The following SMAD6 variants were observed in gnomAD, a reference collection of about 807,000 sequenced individuals.
The protein encoded by SMAD6 is SMAD family member 6.
A neutral mutation model predicts 39.4 loss-of-function variants in SMAD6; 103 were observed. The observed-to-expected ratio is 2.62, with a 90% CI of 2.23 to 3.08. The LOEUF is 3.08. Ranked by LOEUF, SMAD6 falls within the 30% of genes most tolerant of loss-of-function variation. SMAD6 has a pLI of 0.00. For missense variants in SMAD6, 1,104 were observed against 742.9 expected, an observed-to-expected ratio of 1.49 and a Z score of -5.65; for synonymous variants, 445 against 353.3, an observed-to-expected ratio of 1.26 and a Z score of -2.91.
intron 3 of SMAD6, among the ~76,000 whole-genome samples, chr15:66,778,404 G>A (rs1039182854): frequency 6.6e-6 from 1 of 152,160 alleles, no homozygotes; most frequent in African/African-American, 2.4e-5. Context: ...CCTGCCCCCT[G>A]TGCCCCTGTC....
intron 3 of SMAD6, among the ~76,000 whole-genome samples, chr15:66,770,030 G>A (rs764289572): frequency 2.2e-4 from 34 of 152,194 alleles, no homozygotes; most frequent in Non-Finnish European, 4.3e-4. Flanking sequence ...GTTTCACCAT[G>A]TTGGCCAGGC....
chr15:66,781,216 T>G lies in SMAD6; in HGVS notation c.1172T>G (p.Ile391Ser). Residue 391 changes from isoleucine to serine, a missense_variant, in exon 4 of 4, where the codon ATC becomes AGC. Physicochemically the swap from Ile to Ser is moderately radical, Grantham distance 142. Transcript: ENST00000288840. ...RRTRSKIGFG[I>S]LLSKEPDGVW... ...ACGCGCAGCAAGATCGGCTTCGGCA[T>G]CCTGCTCAGCAAGGAGCCCGACGGC... 6.2e-7 allele frequency: 1 copy of G among 1,608,738 alleles called. No individual in the cohort carries two copies. Among genetic ancestry groups the G allele is most frequent in the Non-Finnish European group, 8.5e-7 (1 of 1,179,726 alleles).
chr15:66,766,791 T>C (rs753026751), intron 3 of SMAD6, among the ~76,000 whole-genome samples: 9 of 152,200 alleles, frequency 5.9e-5, no homozygotes, highest in Non-Finnish European at 1.2e-4. Flanking sequence ...ACTTGGGCAT[T>C]GCCATCATCG....
At chr15:66,704,245 T>G in intron 1 of SMAD6, 170 bp downstream of exon 1, 1 of 435,640 alleles carries the variant, frequency 2.3e-6, no homozygotes, top group South Asian at 6.2e-5. Context: ...GGGGAGTGGG[T>G]GTCCCAGCAC....
intron 3 of SMAD6, among the ~76,000 whole-genome samples, chr15:66,756,917 C>G (rs186911205): frequency 1.7e-3 from 257 of 152,328 alleles, no homozygotes; most frequent in Non-Finnish European, 2.8e-3. Context: ...CTACAGGGAG[C>G]TTTGGGCCCG....
chr15:66,703,622 G>A lies in SMAD6; in HGVS notation c.364G>A (p.Glu122Lys). ...GGGCTGGCTGCCCGAGAGTGACTGC[G>A]AGACGGTGACCTGCTGTCTCTTTTC... Reference protein sequence around the residue: ...GPGWLPESDCETVTCCLFSER... With the variant: ...GPGWLPESDCKTVTCCLFSER... Residue 122 changes from glutamate to lysine, a missense_variant, in exon 1 of 4, where the codon GAG becomes AAG. By Grantham distance (56) the Glu-to-Lys change is moderately conservative (BLOSUM62 1). Transcript: ENST00000288840. 8.1e-7 allele frequency: 1 copy of A among 1,231,286 alleles called. No homozygotes were observed. The highest frequency in any genetic ancestry group is 1.0e-6 in the Non-Finnish European group (1 of 984,754). 76.3% of individuals were successfully genotyped at this position (1,231,286 alleles called of 1,614,324 possible).
chr15:66,745,465 G>T (rs185462323), intron 3 of SMAD6, among the ~76,000 whole-genome samples: 26 of 152,062 alleles, frequency 1.7e-4, no homozygotes, highest in Non-Finnish European at 3.4e-4. Flanking sequence ...TCTCGCTCCT[G>T]TTCTCTTCTA....
At chr15:66,715,984 G>GAGGAAGGAAGGAAGGAAGAA (rs1893321587) in intron 2 of SMAD6, among the ~76,000 whole-genome samples, 1 of 152,038 alleles carries the variant, frequency 6.6e-6, no homozygotes, top group African/African-American at 2.4e-5. Flanking sequence ...TAGCGGGAGG[G>GAGGAAGGAAGGAAGGAAGAA]AGGAAGGAAG....
chr15:66,716,409 T>A lies in SMAD6; in HGVS notation c.875-12T>A. 1 of 1,607,232 alleles carries A rather than the reference T, an allele frequency of 6.2e-7. No individual in the cohort carries two copies. The highest frequency in any genetic ancestry group is 1.3e-5 in the African/African-American group (1 of 74,902). On this transcript the variant is annotated splice_polypyrimidine_tract_variant and intron_variant, in intron 2 of 3. Transcript: ENST00000288840. ...ACGGCCAACTAAGTTCTCTTTTTCTTTCCTCCCACAGATCTGTCCGATTCC... is the reference window on the plus strand; with the variant it reads ...ACGGCCAACTAAGTTCTCTTTTTCTATCCTCCCACAGATCTGTCCGATTCC...
At position 66,756,990 on chromosome 15, in the gene SMAD6, G is replaced by GA. The variant is rs542715708; in HGVS notation, c.953-24001dup. Among the ~76,000 whole-genome samples, 121 of 152,288 alleles carry GA rather than the reference G, an allele frequency of 7.9e-4. 1 individual carries two copies. Among genetic ancestry groups the GA allele is most frequent in the Admixed American group, 4.6e-3 (70 of 15,304 alleles). ...TACCTGAGACGGTTGTGGTGTAGTG[G>GA]AAAAAACCCTGACTGGGAGTCCTTA... On this transcript the variant is annotated intron_variant, in intron 3 of 3. Transcript: ENST00000288840.
chr15:66,707,887 G>A (rs1267424869), intron 1 of SMAD6: 3 of 152,416 alleles, frequency 2.0e-5, no homozygotes, highest in Non-Finnish European at 4.4e-5. Flanking sequence ...GGGGTGTAAG[G>A]TAATGTCCCA....
intron 3 of SMAD6, among the ~76,000 whole-genome samples, chr15:66,751,736 C>G (rs1894009851): frequency 6.6e-6 from 1 of 152,258 alleles, no homozygotes; most frequent in African/African-American, 2.4e-5. Flanking sequence ...GCTTGGATGT[C>G]TGAGTTGTCC....
chr15:66,711,800 C>T (rs1014273701), intron 2 of SMAD6, 76 bp downstream of exon 2: 1 of 1,263,914 alleles, frequency 7.9e-7, no homozygotes, highest in Admixed American at 1.7e-5. Flanking sequence ...GTCTGTCCAG[C>T]CTCAGGGCTG....
chr15:66,719,500 C>A (rs1247943511), intron 3 of SMAD6, among the ~76,000 whole-genome samples: 1 of 152,114 alleles, frequency 6.6e-6, no homozygotes, highest in Non-Finnish European at 1.5e-5. Context: ...ATCCCGAGAG[C>A]CTTGTTACCC....
rs533030363 is a variant in SMAD6, at chr15:66,720,252, A to G, written c.952+3754A>G. Reference sequence around the variant, plus strand: ...GTAGGCAAACTTTTTTTTTTTTTTCAACTTTAAAGTAGAACATGCCATAAT... The same window carrying G: ...GTAGGCAAACTTTTTTTTTTTTTTCGACTTTAAAGTAGAACATGCCATAAT... On this transcript the variant is annotated intron_variant, in intron 3 of 3. Transcript: ENST00000288840. Among the ~76,000 whole-genome samples the G allele has an allele frequency of 6.7e-5, 10 of 149,214 alleles. No homozygotes were observed. The South Asian group carries it at 1.1e-3, about 16-fold the overall frequency.
At chr15:66,723,874 A>G (rs1251618788) in intron 3 of SMAD6, among the ~76,000 whole-genome samples, 1 of 152,070 alleles carries the variant, frequency 6.6e-6, no homozygotes, top group Admixed American at 6.6e-5. Flanking sequence ...GCTGCCCTAG[A>G]GATGTGCTCA....
At chr15:66,738,499 G>A (rs772668372) in intron 3 of SMAD6, among the ~76,000 whole-genome samples, 2 of 152,140 alleles carry the variant, frequency 1.3e-5, no homozygotes, top group Non-Finnish European at 2.9e-5. Context: ...TTCCACAACC[G>A]CCATGCCCAG....
At chr15:66,736,628 C>T (rs1893716541) in intron 3 of SMAD6, among the ~76,000 whole-genome samples, 1 of 152,000 alleles carries the variant, frequency 6.6e-6, no homozygotes, top group African/African-American at 2.4e-5. Flanking sequence ...CCAGTTACAT[C>T]AGAGTCCCTG....
At chr15:66,755,846 A>G (rs1894088052) in intron 3 of SMAD6, among the ~76,000 whole-genome samples, 1 of 152,158 alleles carries the variant, frequency 6.6e-6, no homozygotes, top group African/African-American at 2.4e-5. Flanking sequence ...AGCCTGCCCG[A>G]GGTGAGCAGC....
Sources: allele counts gnomAD v4.1 joint callset (sites outside exome capture counted in the v4.1 genomes callset), GRCh38; gene constraint gnomAD v4.1.1; transcripts MANE v1.5; gene names NCBI Gene and HGNC (gene_info 2026-07-23, HGNC 2026-07-21).